PRXL2A: variants seen among roughly 807,000 people sequenced by gnomAD.
The protein encoded by PRXL2A is peroxiredoxin like 2A, also known as peroxiredoxin-like 2A.
PRXL2A carries 26 observed loss-of-function variants against 25.6 expected under a neutral mutation model. The ratio of observed to expected loss-of-function variants is 1.02; its 90% CI spans 0.74 to 1.41. The LOEUF is 1.41. Among genes scored for constraint, PRXL2A ranks in the 40% most tolerant of loss-of-function variants. The probability of loss-of-function intolerance (pLI) is 0.00; values close to 1 mark genes in which losing one functional copy is unlikely to be tolerated. For synonymous variants in PRXL2A, 98 were observed against 102.9 expected (o/e 0.95, Z 0.29); for missense variants, 246 against 273.9 (o/e 0.90, Z 0.72).
chr10:80,409,039 C>T (rs1470599384), intron 1 of PRXL2A: 7 of 985,296 alleles, frequency 7.1e-6, no homozygotes, highest in Non-Finnish European at 7.2e-6. Flanking sequence ...GAGCATGGGC[C>T]CGGGGGCCGC....
At chr10:80,431,615 C>T (rs942209600) in intron 5 of PRXL2A, among the ~76,000 whole-genome samples, 7 of 152,104 alleles carry the variant, frequency 4.6e-5, no homozygotes, top group Non-Finnish European at 1.0e-4. Context: ...CACTTCCACA[C>T]CTTTGGGCCT....
intron 1 of PRXL2A, among the ~76,000 whole-genome samples, chr10:80,409,780 A>G (rs1432666939): frequency 6.6e-6 from 1 of 152,194 alleles, no homozygotes; most frequent in Non-Finnish European, 1.5e-5. Context: ...TATTTATTGC[A>G]CTTTTTGTAA....
intron 1 of PRXL2A, among the ~76,000 whole-genome samples, chr10:80,410,248 T>C (rs1388924777): frequency 6.6e-6 from 1 of 152,272 alleles, no homozygotes. Context: ...CCTGAGGTTC[T>C]GTGCAGAGAG....
In PRXL2A at chr10:80,432,185, A is replaced by G; in HGVS notation, c.*86A>G. Reference sequence around the variant, plus strand: ...ATTGTTTCCACTCGTGTCCCTAAGGAGTGAGAAACCCATTTATACTCTACT... The same window carrying G: ...ATTGTTTCCACTCGTGTCCCTAAGGGGTGAGAAACCCATTTATACTCTACT... On this transcript the variant is annotated 3_prime_UTR_variant, in exon 6 of 6. Coordinates refer to ENST00000606162, the MANE Select transcript of PRXL2A (RefSeq NM_032333.5). The G allele has an allele frequency of 1.3e-6, 1 of 772,302 alleles. No homozygotes were observed. The highest frequency in any genetic ancestry group is 2.4e-5 in the Admixed American group (1 of 41,728). The allele number at this position is 772,302 out of a possible 1,614,324, so 47.8% of individuals were successfully genotyped here.
At chr10:80,408,995 T>C in intron 1 of PRXL2A, 4 of 983,906 alleles carry the variant, frequency 4.1e-6, no homozygotes, top group Non-Finnish European at 4.8e-6. Flanking sequence ...CGCGAATTGT[T>C]GGGACAAAGA....
chr10:80,408,778 CCCGCGCCAACTT>C (rs1844354491), intron 1 of PRXL2A, 135 bp downstream of exon 1: 1 of 152,386 alleles, frequency 6.6e-6, no homozygotes, highest in South Asian at 2.1e-4. Context: ...GCCCCTCGGG[CCCGCGCCAACTT>C]TCTTAGGAGC....
chr10:80,418,883 G>A (rs1234753642), intron 1 of PRXL2A, among the ~76,000 whole-genome samples: 2 of 152,212 alleles, frequency 1.3e-5, no homozygotes, highest in Non-Finnish European at 2.9e-5. Context: ...AATTCTGACA[G>A]AACCCGCCTG....
chr10:80,424,405 CAAAAAAAAAAAAA>C (rs33941883), intron 3 of PRXL2A, among the ~76,000 whole-genome samples: 76 of 75,076 alleles, frequency 1.0e-3, no homozygotes, highest in Non-Finnish European at 1.3e-3. Flanking sequence ...CCTGTCTCTA[CAAAAAAAAAAAAA>C]AAAAAAAAAA....
rs1845331196 is a variant in PRXL2A, at chr10:80,433,624, C to A, written c.*1525C>A. 1 of 152,250 alleles carries A rather than the reference C, an allele frequency of 6.6e-6. No homozygotes were observed. Among genetic ancestry groups the A allele is most frequent in the Non-Finnish European group, 1.5e-5 (1 of 68,072 alleles). The allele number at this position is 152,250 out of a possible 1,614,324, so 9.4% of individuals were successfully genotyped here. A position where few individuals can be genotyped will look rare whatever the true frequency, so the allele number is the denominator to read the frequency against. ...CTAAGACCCACTAAGACCATGCCTG[C>A]ACCTGACTTCATGTAGCAGTGGTTG... On this transcript the variant is annotated 3_prime_UTR_variant, in exon 6 of 6. Coordinates refer to ENST00000606162, the MANE Select transcript of PRXL2A (RefSeq NM_032333.5).
In PRXL2A at chr10:80,436,647, C is replaced by G. The variant is rs1845410453; in HGVS notation, c.*4548C>G. On this transcript the variant is annotated 3_prime_UTR_variant, in exon 6 of 6. Transcript: ENST00000606162. ...CCTTCTCCTGCCCTCTTGTTTCTGG[C>G]TTTTCATTCTCCCCCAAGGCTACCC... The G allele has an allele frequency of 6.6e-6, 1 of 152,202 alleles. No homozygotes were observed. Among genetic ancestry groups the G allele is most frequent in the East Asian group, 1.9e-4 (1 of 5,192 alleles). 9.4% of individuals were successfully genotyped at this position (152,202 alleles called of 1,614,324 possible).
At chr10:80,412,595 G>T (rs1468707956) in intron 1 of PRXL2A, among the ~76,000 whole-genome samples, 3 of 152,054 alleles carry the variant, frequency 2.0e-5, no homozygotes, top group Non-Finnish European at 4.4e-5. Flanking sequence ...CAGGGTTATG[G>T]GTGTGTGCGC....
chr10:80,424,852 C>T (rs117471097), intron 3 of PRXL2A, among the ~76,000 whole-genome samples: 3,398 of 152,170 alleles, frequency 0.022, 50 homozygotes, highest in Middle Eastern at 0.034. Flanking sequence ...GTAGCGTGGG[C>T]GACAGAGCAA....
rs921431533 is a variant in PRXL2A, at chr10:80,416,826, A to G, written c.-2-3640A>G. Among the ~76,000 whole-genome samples, 7 of 152,156 alleles carry G rather than the reference A, an allele frequency of 4.6e-5. No homozygotes were observed. In the East Asian group the frequency reaches 1.3e-3, roughly 29 times the overall value. ...AGGCAGTATAAGATTCCTTAGTTCTAAGGTGGGGGTTGAGATTCTTCGTTT... is the reference window on the plus strand; with the variant it reads ...AGGCAGTATAAGATTCCTTAGTTCTGAGGTGGGGGTTGAGATTCTTCGTTT... On this transcript the variant is annotated intron_variant, in intron 1 of 5. Transcript: ENST00000606162.
At chr10:80,420,085 G>GATGAGGAGGGGA in intron 1 of PRXL2A, 1 of 988,212 alleles carries the variant, frequency 1.0e-6, no homozygotes, top group Non-Finnish European at 1.2e-6. Flanking sequence ...ATCAGGCATT[G>GATGAGGAGGGGA]ATGAGGAGGG....
In PRXL2A at chr10:80,434,893, T is replaced by G. The variant is rs925285526; in HGVS notation, c.*2794T>G. The G allele has an allele frequency of 2.0e-5, 3 of 152,212 alleles. No individual in the cohort carries two copies. Among genetic ancestry groups the G allele is most frequent in the Non-Finnish European group, 2.9e-5 (2 of 68,034 alleles). 9.4% of individuals were successfully genotyped at this position (152,212 alleles called of 1,614,324 possible). On this transcript the variant is annotated 3_prime_UTR_variant, in exon 6 of 6. Transcript: ENST00000606162. ...CAAAGGGACAGAAAGGATTTACAAT[T>G]GTAAATTTTATAAAGTATGTCCTCT...
At chr10:80,414,677 T>C (rs944494237) in intron 1 of PRXL2A, among the ~76,000 whole-genome samples, 1 of 152,216 alleles carries the variant, frequency 6.6e-6, no homozygotes, top group Non-Finnish European at 1.5e-5. Flanking sequence ...TGGGTCCAGG[T>C]TGTAGTACTG....
chr10:80,431,060 G>A (rs1221775920), intron 5 of PRXL2A, among the ~76,000 whole-genome samples: 3 of 152,080 alleles, frequency 2.0e-5, no homozygotes, highest in Non-Finnish European at 4.4e-5. Context: ...ACCGTACCTG[G>A]CTAATTTTTG....
At position 80,425,973 on chromosome 10, in the gene PRXL2A, T is replaced by C. The variant is rs777748216; in HGVS notation, c.378T>C (p.Pro126=). ...GGACTGAAGTGAAGGATTTCCAGCCTTATTTCAAAGGAGAAATCTTCCTGG... is the reference window on the plus strand; with the variant it reads ...GGACTGAAGTGAAGGATTTCCAGCCCTATTTCAAAGGAGAAATCTTCCTGG... The part of the protein sequence containing the change: ...HIRTEVKDFQ[P]YFKGEIFLDE... Residue 126 remains proline, a synonymous_variant, in exon 4 of 6, where the codon CCT becomes CCC. Coordinates refer to ENST00000606162, the MANE Select transcript of PRXL2A (RefSeq NM_032333.5). The C allele has an allele frequency of 3.0e-5, 49 of 1,614,132 alleles. 1 individual carries two copies. The South Asian group carries it at 5.3e-4, about 17-fold the overall frequency.
chr10:80,427,577 G>A, intron 5 of PRXL2A, 81 bp downstream of exon 5: 2 of 1,474,986 alleles, frequency 1.4e-6, no homozygotes, highest in Non-Finnish European at 1.9e-6. Context: ...TGGAGTGGGG[G>A]TTGACTTTCC....
Sources: allele counts gnomAD v4.1 joint callset (sites outside exome capture counted in the v4.1 genomes callset), GRCh38; gene constraint gnomAD v4.1.1; transcripts MANE v1.5; gene names NCBI Gene and HGNC (gene_info 2026-07-23, HGNC 2026-07-21).